The following G6PC1 variants were observed in gnomAD, a reference collection of about 807,000 sequenced individuals.
The protein encoded by G6PC1 is G-6-Pase.
A neutral mutation model predicts 30.4 loss-of-function variants in G6PC1; 23 were observed. The ratio of observed to expected loss-of-function variants is 0.76; its 90% CI spans 0.55 to 1.07. The LOEUF is 1.07. G6PC1 is among the 50% of genes least tolerant of loss of function. G6PC1 has a pLI of 0.00. For synonymous variants in G6PC1, 163 were observed against 175.6 expected, an observed-to-expected ratio of 0.93 and a Z score of 0.57; for missense variants, 391 against 433.9, an observed-to-expected ratio of 0.90 and a Z score of 0.88.
rs373345919 is a variant in G6PC1, at chr17:42,909,364, C to T, written c.508C>T (p.Arg170Ter). The part of the protein sequence containing the change: ...WAVQLNVCLS[R>*]IYLAAHFPHQ... ...TGTGCAGCTGAATGTCTGTCTGTCA[C>T]GAATCTACCTTGCTGCTCATTTTCC... The change falls in exon 4 of 5, where the codon CGA becomes TGA. Residue 170 changes from arginine to a stop codon, truncating the protein, a stop_gained. Coordinates refer to ENST00000253801, the MANE Select transcript of G6PC1 (RefSeq NM_000151.4). LOFTEE classifies it high-confidence loss of function. The T allele has an allele frequency of 4.5e-5, 73 of 1,614,138 alleles. No individual in the cohort carries two copies. The highest frequency in any genetic ancestry group is 5.4e-5 in the Non-Finnish European group (64 of 1,180,026).
Position 42,911,581 on chromosome 17 carries a change from G to T in G6PC1, c.*155G>T, listed in dbSNP as rs1413343029. On this transcript the variant is annotated 3_prime_UTR_variant, in exon 5 of 5. Coordinates refer to ENST00000253801, the MANE Select transcript of G6PC1 (RefSeq NM_000151.4). The stretch of plus-strand genomic sequence containing the variant: ...ATCACGGATGGCAGATTGGAGGGTC[G>T]CCTGGCTTATTCCCATGTGTGACTC... 10 of 1,139,686 alleles carry T rather than the reference G, an allele frequency of 8.8e-6. No individual in the cohort carries two copies. The African/African-American group carries it at 1.5e-4, about 17-fold the overall frequency. 70.6% of individuals were successfully genotyped at this position (1,139,686 alleles called of 1,614,324 possible). A position where few individuals can be genotyped will look rare whatever the true frequency, so the allele number is the denominator to read the frequency against.
In G6PC1 at chr17:42,912,844, G is replaced by A. The variant is rs1483839185; in HGVS notation, c.*1418G>A. On this transcript the variant is annotated 3_prime_UTR_variant, in exon 5 of 5. Coordinates refer to ENST00000253801, the MANE Select transcript of G6PC1 (RefSeq NM_000151.4). ...AGACGGCGCACCTATCACCCAGGCT[G>A]GAGTGGAGTGGCACGATCTTGGCTC... The A allele has an allele frequency of 1.3e-5, 2 of 151,762 alleles. No homozygotes were observed. The highest frequency in any genetic ancestry group is 4.8e-5 in the African/African-American group (2 of 41,240). The allele number at this position is 151,762 out of a possible 1,614,324, so 9.4% of individuals were successfully genotyped here.
chr17:42,905,369 T>A (rs1270512330), intron 2 of G6PC1, among the ~76,000 whole-genome samples: 1 of 147,278 alleles, frequency 6.8e-6, no homozygotes, highest in East Asian at 2.0e-4. Context: ...TGAGCCAAGA[T>A]TGCGCCATTG....
intron 2 of G6PC1, among the ~76,000 whole-genome samples, chr17:42,907,009 T>C (rs934992671): frequency 1.3e-5 from 2 of 152,096 alleles, no homozygotes; most frequent in African/African-American, 4.8e-5. Flanking sequence ...AGGAAGTAAG[T>C]TTCTGGCAGA....
intron 1 of G6PC1, among the ~76,000 whole-genome samples, chr17:42,902,306 G>T (rs1470716861): frequency 6.6e-6 from 1 of 152,064 alleles, no homozygotes; most frequent in Non-Finnish European, 1.5e-5. Context: ...GGAGTGCAAT[G>T]GTGCAATCTC....
At chr17:42,905,478 A>G (rs970768506) in intron 2 of G6PC1, among the ~76,000 whole-genome samples, 2 of 145,360 alleles carry the variant, frequency 1.4e-5, no homozygotes, top group African/African-American at 5.1e-5. Context: ...ACACACACAT[A>G]TAATACTAGA....
chr17:42,909,887 G>A (rs1322212474), intron 4 of G6PC1, among the ~76,000 whole-genome samples: 1 of 150,232 alleles, frequency 6.7e-6, no homozygotes, highest in Non-Finnish European at 1.5e-5. Flanking sequence ...TTTTGAGATG[G>A]AGTCTCGCTC....
At position 42,901,009 on chromosome 17, in the gene G6PC1, G is replaced by C. The variant is rs145749644; in HGVS notation, c.133G>C (p.Val45Leu). The C allele has an allele frequency of 2.5e-6, 4 of 1,614,016 alleles. No individual in the cohort carries two copies. The Admixed American group carries it at 5.0e-5, about 20-fold the overall frequency. The change falls in exon 1 of 5, where the codon GTC (valine) becomes CTC (leucine). Residue 45 changes from valine (V) to leucine (L), a missense_variant. By Grantham distance (32) the Val-to-Leu change is conservative. Coordinates refer to ENST00000253801, the MANE Select transcript of G6PC1 (RefSeq NM_000151.4). ...CGCAGACCTCAGGAATGCCTTCTAC[G>C]TCCTCTTCCCCATCTGGTTCCATCT... is the stretch of plus-strand genomic sequence containing the variant. ...VIADLRNAFY[V>L]LFPIWFHLQE... is the part of the protein sequence containing the mutation.
chr17:42,909,736 A>G (rs1419019437), intron 4 of G6PC1, among the ~76,000 whole-genome samples: 1 of 152,204 alleles, frequency 6.6e-6, no homozygotes, highest in Non-Finnish European at 1.5e-5. Context: ...TTTTCAGGGA[A>G]TCTGCCAAAT....
intron 4 of G6PC1, 46 bp from the exon 5 acceptor site, chr17:42,910,869 T>A: frequency 1.3e-6 from 2 of 1,598,854 alleles, no homozygotes; most frequent in Non-Finnish European, 1.7e-6. Context: ...CTAGCAAAGG[T>A]CCCAAATCCT....
At chr17:42,908,529 A>G (rs1355789632) in intron 3 of G6PC1, among the ~76,000 whole-genome samples, 1 of 136,784 alleles carries the variant, frequency 7.3e-6, no homozygotes, top group African/African-American at 2.8e-5. Context: ...GCCTCAGCCT[A>G]CCGAGTAGCT....
chr17:42,907,623 A>G lies in G6PC1; in HGVS notation c.441A>G (p.Arg147=). ...IFQGKIKPTY[R]FRCLNVILWL... is the part of the protein sequence containing the mutation. ...AGGGAAAGATAAAGCCGACCTACAG[A>G]TTTCGGTAAGAACTCACCACTGGGG... is the stretch of plus-strand genomic sequence containing the variant. Residue 147 remains arginine, a synonymous_variant, in exon 3 of 5, where the codon AGA becomes AGG. Transcript: ENST00000253801. 2 of 1,612,046 alleles carry G rather than the reference A, an allele frequency of 1.2e-6. No homozygotes were observed. The highest frequency in any genetic ancestry group is 1.7e-6 in the Non-Finnish European group (2 of 1,178,338).
At chr17:42,903,224 G>C (rs1387736742) in intron 1 of G6PC1, among the ~76,000 whole-genome samples, 3 of 151,864 alleles carry the variant, frequency 2.0e-5, no homozygotes, top group Non-Finnish European at 4.4e-5. Flanking sequence ...TGGGATTACA[G>C]TCACGCACCA....
At chr17:42,907,372 A>G (rs2056068048) in intron 2 of G6PC1, 151 bp from the exon 3 acceptor site, 7 of 645,854 alleles carry the variant, frequency 1.1e-5, no homozygotes, top group Admixed American at 8.9e-5. Context: ...GGGTGGATGG[A>G]TGGGGGGTGA....
intron 2 of G6PC1, 140 bp downstream of exon 2, chr17:42,904,180 C>T: frequency 2.8e-6 from 2 of 719,486 alleles, no homozygotes; most frequent in South Asian, 2.9e-5. Flanking sequence ...AATTAATTCA[C>T]TTCTGCAATA....
In G6PC1 at chr17:42,912,608, A is replaced by C. The variant is rs1195272652; in HGVS notation, c.*1182A>C. ...TCTATCCCAAGCCAACCAAGAGCAC[A>C]TTCTTAAAGGAAAAGTCAACATCTT... On this transcript the variant is annotated 3_prime_UTR_variant, in exon 5 of 5. Transcript: ENST00000253801. 1.3e-5 allele frequency: 2 copies of C among 150,412 alleles called. No homozygotes were observed. Among genetic ancestry groups the C allele is most frequent in the African/African-American group, 2.4e-5 (1 of 40,840 alleles). The allele number at this position is 150,412 out of a possible 1,614,324, so 9.3% of individuals were successfully genotyped here.
At chr17:42,909,489 A>C in intron 4 of G6PC1, 71 bp downstream of exon 4, 1 of 1,118,900 alleles carries the variant, frequency 8.9e-7, no homozygotes, top group Non-Finnish European at 1.4e-6. Flanking sequence ...TCAGGACAAA[A>C]TCCCAGCATT....
intron 4 of G6PC1, 45 bp from the exon 5 acceptor site, chr17:42,910,870 C>A (rs749749697): frequency 6.2e-7 from 1 of 1,602,782 alleles, no homozygotes; most frequent in African/African-American, 1.3e-5. Context: ...TAGCAAAGGT[C>A]CCAAATCCTT....
At position 42,911,489 on chromosome 17, in the gene G6PC1, T is replaced by C; in HGVS notation, c.*63T>C. The C allele has an allele frequency of 6.2e-7, 1 of 1,607,930 alleles. No homozygotes were observed. The highest frequency in any genetic ancestry group is 8.5e-7 in the Non-Finnish European group (1 of 1,176,530). On this transcript the variant is annotated 3_prime_UTR_variant, in exon 5 of 5. Transcript: ENST00000253801. ...TGCCAGGGATTGAGGAGGACTACTA[T>C]TTGAAGCAATGGGCACTGGTATTTG...
Sources: allele counts gnomAD v4.1 joint callset (sites outside exome capture counted in the v4.1 genomes callset), GRCh38; gene constraint gnomAD v4.1.1; transcripts MANE v1.5; gene names NCBI Gene and HGNC (gene_info 2026-07-23, HGNC 2026-07-21).